Variants in SNX8 observed in about 807,000 individuals in gnomAD.
SNX8 encodes the protein sorting nexin 8.
Under a neutral mutation model 51.6 loss-of-function variants are expected in SNX8, and 25 were observed. The ratio of observed to expected loss-of-function variants is 0.48; its 90% CI spans 0.35 to 0.68. SNX8 has a LOEUF of 0.68. Ranked by LOEUF, SNX8 falls within the 30% of genes least tolerant of loss-of-function variation. SNX8 has a pLI of 0.00. For synonymous variants in SNX8, 324 were observed against 277.0 expected, an observed-to-expected ratio of 1.17 and a Z score of -1.68; for missense variants, 695 against 624.0, an observed-to-expected ratio of 1.11 and a Z score of -1.21.
chr7:2,327,409 T>A (rs2115231056), intron 1 of SNX8, among the ~76,000 whole-genome samples: 1 of 149,642 alleles, frequency 6.7e-6, no homozygotes, highest in South Asian at 2.1e-4. Flanking sequence ...CTGGCTAATT[T>A]TTTTATTTTT....
rs1795135804 is a variant in SNX8, at chr7:2,254,865, C to T, written c.*191G>A. On this transcript the variant is annotated 3_prime_UTR_variant, in exon 11 of 11. Transcript: ENST00000222990. ...GGCTAGCAGGCCACAGGGCGAAGGACAGTGTGGCCCAGCTGCCCCCATGGT... is the reference window on the plus strand; with the variant it reads ...GGCTAGCAGGCCACAGGGCGAAGGATAGTGTGGCCCAGCTGCCCCCATGGT... 2 of 614,772 alleles carry T rather than the reference C, an allele frequency of 3.3e-6. No homozygotes were observed. Among genetic ancestry groups the T allele is most frequent in the Admixed American group, 5.0e-5 (2 of 39,652 alleles). 38.1% of individuals were successfully genotyped at this position (614,772 alleles called of 1,614,324 possible).
At chr7:2,273,428 A>G (rs1357599529) in intron 3 of SNX8, among the ~76,000 whole-genome samples, 1 of 150,680 alleles carries the variant, frequency 6.6e-6, no homozygotes, top group Non-Finnish European at 1.5e-5. Flanking sequence ...AAAATACAAA[A>G]AAAAATAATT....
At chr7:2,337,952 G>A (rs192742833) in intron 1 of SNX8, among the ~76,000 whole-genome samples, 1 of 151,890 alleles carries the variant, frequency 6.6e-6, no homozygotes, top group Admixed American at 6.6e-5. Flanking sequence ...GGAGAAGTAT[G>A]CCTGTTATAA....
At chr7:2,270,499 G>A (rs1292815206) in intron 4 of SNX8, among the ~76,000 whole-genome samples, 4 of 151,888 alleles carry the variant, frequency 2.6e-5, no homozygotes. Flanking sequence ...AGGCCGGGAA[G>A]TGACAGAGAA....
intron 1 of SNX8, among the ~76,000 whole-genome samples, chr7:2,323,063 C>T (rs1260891972): frequency 1.3e-5 from 2 of 150,696 alleles, no homozygotes; most frequent in South Asian, 2.1e-4. Context: ...GGCATGGTGG[C>T]TTACACCTGT....
chr7:2,350,008 G>A (rs1779108049), intron 1 of SNX8, among the ~76,000 whole-genome samples: 2 of 152,098 alleles, frequency 1.3e-5, no homozygotes, highest in Admixed American at 1.3e-4. Flanking sequence ...CCTGGGCCCT[G>A]GAAGGGTCAC....
At chr7:2,260,073 CATA>C (rs1006135451) in intron 7 of SNX8, among the ~76,000 whole-genome samples, 15 of 151,962 alleles carry the variant, frequency 9.9e-5, no homozygotes, top group African/African-American at 3.4e-4. Context: ...GTGTAAATCT[CATA>C]ATGTTTTCAG....
intron 1 of SNX8, among the ~76,000 whole-genome samples, chr7:2,298,576 G>T (rs1378632872): frequency 2.6e-5 from 4 of 151,674 alleles, no homozygotes; most frequent in African/African-American, 9.7e-5. Flanking sequence ...CACCATGTTG[G>T]CCAGGCTGGT....
intron 1 of SNX8, among the ~76,000 whole-genome samples, chr7:2,281,725 G>A (rs1460109197): frequency 6.6e-6 from 1 of 152,164 alleles, no homozygotes; most frequent in African/African-American, 2.4e-5. Context: ...GTGGACGCAG[G>A]ATGGGATCTG....
At chr7:2,342,934 T>G (rs960173216) in intron 1 of SNX8, among the ~76,000 whole-genome samples, 1 of 151,934 alleles carries the variant, frequency 6.6e-6, no homozygotes, top group African/African-American at 2.4e-5. Flanking sequence ...ACAATTCTCC[T>G]GCCTCAGGCG....
At chr7:2,261,830 AGC>A (rs1290403010) in intron 7 of SNX8, among the ~76,000 whole-genome samples, 6 of 152,192 alleles carry the variant, frequency 3.9e-5, no homozygotes, top group Admixed American at 6.5e-5. Flanking sequence ...CGGGCACCTG[AGC>A]GCCCCGTTTC....
At chr7:2,309,469 C>A (rs556779605) in intron 1 of SNX8, among the ~76,000 whole-genome samples, 1 of 152,054 alleles carries the variant, frequency 6.6e-6, no homozygotes, top group African/African-American at 2.4e-5. Context: ...CGGTGGCTCA[C>A]GCCTGTAATC....
At chr7:2,344,727 C>T (rs1778990026) in intron 1 of SNX8, among the ~76,000 whole-genome samples, 1 of 151,988 alleles carries the variant, frequency 6.6e-6, no homozygotes, top group Non-Finnish European at 1.5e-5. Flanking sequence ...CTGAGGACAG[C>T]CTGGCCAACA....
At chr7:2,327,350 CTG>C (rs1778640633) in intron 1 of SNX8, among the ~76,000 whole-genome samples, 2 of 152,038 alleles carry the variant, frequency 1.3e-5, no homozygotes, top group African/African-American at 4.8e-5. Context: ...CGCCATTCTC[CTG>C]CCTAAGCCTC....
At chr7:2,336,088 G>A (rs1194123011) in intron 1 of SNX8, among the ~76,000 whole-genome samples, 3 of 143,622 alleles carry the variant, frequency 2.1e-5, no homozygotes, top group African/African-American at 7.7e-5. Context: ...GGGTGACAGT[G>A]TGAAACTCCA....
chr7:2,325,846 T>A (rs1049768669), intron 1 of SNX8, among the ~76,000 whole-genome samples: 27 of 151,822 alleles, frequency 1.8e-4, no homozygotes, highest in Non-Finnish European at 8.8e-5. Context: ...AAAATTTTTT[T>A]AAATAAAAAT....
intron 1 of SNX8, among the ~76,000 whole-genome samples, chr7:2,335,509 C>G (rs1778810883): frequency 6.6e-6 from 1 of 151,270 alleles, no homozygotes; most frequent in African/African-American, 2.4e-5. Context: ...AAACAATATG[C>G]TGAGTGAAAG....
At chr7:2,259,670 G>A (rs1489121272) in intron 7 of SNX8, among the ~76,000 whole-genome samples, 1 of 152,214 alleles carries the variant, frequency 6.6e-6, no homozygotes, top group African/African-American at 2.4e-5. Flanking sequence ...AAATGTGCCA[G>A]GAGAAGAGGT....
intron 5 of SNX8, among the ~76,000 whole-genome samples, chr7:2,267,705 C>T (rs1392056852): frequency 1.3e-5 from 2 of 149,484 alleles, no homozygotes; most frequent in Non-Finnish European, 3.0e-5. Flanking sequence ...CCCAAAGTGC[C>T]GAGACTGCAG....
Sources: gnomAD v4.1 joint callset for allele counts (sites outside exome capture counted in the v4.1 genomes callset) on GRCh38, gnomAD v4.1.1 for gene constraint, MANE v1.5 for transcripts, NCBI Gene and HGNC (gene_info 2026-07-23, HGNC 2026-07-21) for gene names.